The following FANCD2 variants were observed in gnomAD, a reference collection of about 807,000 sequenced individuals.
FANCD2 encodes the protein Fanconi anemia group D2 protein.
In FANCD2, 131 loss-of-function variants were observed where a neutral mutation model predicts 192.3. That is an observed-to-expected ratio of 0.68 (90% CI 0.59 to 0.79). The LOEUF (loss-of-function observed/expected upper bound fraction) is 0.79, where lower values mean the gene tolerates loss of function less well. Ranked by LOEUF, FANCD2 falls within the 30% of genes least tolerant of loss-of-function variation. FANCD2 has a pLI of 0.00. For missense variants in FANCD2, 1,508 were observed against 1,701.6 expected, an observed-to-expected ratio of 0.89 and a Z score of 2.00; for synonymous variants, 524 against 612.5, an observed-to-expected ratio of 0.86 and a Z score of 2.13.
At chr3:10,099,862 C>G (rs1287506238) in intron 43 of FANCD2, among the ~76,000 whole-genome samples, 1 of 152,124 alleles carries the variant, frequency 6.6e-6, no homozygotes, top group Non-Finnish European at 1.5e-5. Context: ...GGGCCTCTGT[C>G]TGTAATGCAA....
At chr3:10,069,945 T>C (rs1693095463) in intron 26 of FANCD2, among the ~76,000 whole-genome samples, 2 of 146,752 alleles carry the variant, frequency 1.4e-5, no homozygotes, top group Non-Finnish European at 3.0e-5. Flanking sequence ...GTGAGGAGCC[T>C]CTCTGCCAGG....
At chr3:10,054,086 C>G (rs558528031) in intron 18 of FANCD2, among the ~76,000 whole-genome samples, 26 of 151,808 alleles carry the variant, frequency 1.7e-4, no homozygotes, top group Non-Finnish European at 3.1e-4. Context: ...GTGGCACACA[C>G]CTGTAATCCT....
At chr3:10,036,082 ATTTC>A (rs2086721396) in intron 6 of FANCD2, among the ~76,000 whole-genome samples, 3 of 103,874 alleles carry the variant, frequency 2.9e-5, no homozygotes, top group Admixed American at 2.7e-4. Context: ...AGAATTATAC[ATTTC>A]TTTTTTTTTT....
At chr3:10,086,358 G>A (rs1006365732) in intron 33 of FANCD2, among the ~76,000 whole-genome samples, 1 of 152,126 alleles carries the variant, frequency 6.6e-6, no homozygotes, top group African/African-American at 2.4e-5. Flanking sequence ...ATGATCTCAG[G>A]GGCATGGCTT....
chr3:10,056,171 G>T (rs55997008), intron 18 of FANCD2, among the ~76,000 whole-genome samples: 4,601 of 152,246 alleles, frequency 0.03, 238 homozygotes, highest in African/African-American at 0.11. Context: ...GAGCCACTGC[G>T]CCCGGCCCCC....
At chr3:10,041,857 TC>T (rs973597345) in intron 10 of FANCD2, 147 bp downstream of exon 10, 5 of 607,150 alleles carry the variant, frequency 8.2e-6, no homozygotes, top group East Asian at 3.1e-5. Flanking sequence ...TTTTTTTTTT[TC>T]CCCTCAATGA....
Position 10,039,280 on chromosome 3 carries a change from A to G in FANCD2, c.493A>G (p.Lys165Glu), listed in dbSNP as rs549079987. 1.9e-6 allele frequency: 3 copies of G among 1,612,772 alleles called. No individual in the cohort carries two copies. The highest frequency in any genetic ancestry group is 2.7e-5 in the African/African-American group (2 of 75,042). ...TGTTTTCTCTTCCTAACATTTTAGC[A>G]AGAACAGTGATGAAATCAACATACC... ...EKLPEYFFEN[K>E]NSDEINIPRL... Residue 165 changes from lysine to glutamate, a missense_variant and splice_region_variant, in exon 8 of 44, where the codon AAG becomes GAG. By Grantham distance (56) the Lys-to-Glu change is moderately conservative (BLOSUM62 1). This residue lies in a region of FANCD2 where 435 missense variants were observed against 421.9 expected (regional missense o/e 1.03). Transcript: ENST00000675286.
rs538303682 is a variant in FANCD2 at position 10,075,932 on chromosome 3, GT to G, written c.2859+1261del. Among the ~76,000 whole-genome samples, 170 of 150,502 alleles carry G rather than the reference GT, an allele frequency of 1.1e-3. 3 individuals are homozygous for G. The highest frequency in any genetic ancestry group is 9.8e-3 in the Admixed American group (149 of 15,128). On this transcript the variant is annotated intron_variant, in intron 29 of 43. Coordinates refer to ENST00000675286, the MANE Select transcript of FANCD2 (RefSeq NM_001018115.3). ...TTTTTAATAGAGACGAGGTTTCACC[GT>G]TGTTAGCCAGGATGGTCTCGATCTC...
intron 32 of FANCD2, 114 bp downstream of exon 32, chr3:10,081,578 A>G: frequency 1.2e-6 from 1 of 819,990 alleles, no homozygotes; most frequent in South Asian, 1.4e-5. Flanking sequence ...TTATGTGAAT[A>G]TGGTTCATTA....
chr3:10,076,358 A>T (rs756892863), intron 29 of FANCD2, among the ~76,000 whole-genome samples: 7 of 151,764 alleles, frequency 4.6e-5, no homozygotes, highest in Admixed American at 6.6e-5. Flanking sequence ...TAGGAAACGC[A>T]TCTTGGATCC....
At chr3:10,034,645 A>C (rs779406688) in intron 4 of FANCD2, 50 bp from the exon 5 acceptor site, 7 of 1,516,814 alleles carry the variant, frequency 4.6e-6, no homozygotes, top group Non-Finnish European at 6.4e-6. Context: ...TTTAACAGCA[A>C]ATATTAAACT....
chr3:10,049,782 A>G lies in FANCD2; in HGVS notation c.1545+277A>G, dbSNP rs190725100. On this transcript the variant is annotated intron_variant, in intron 17 of 43. Transcript: ENST00000675286. The stretch of plus-strand genomic sequence containing the variant: ...AACATGGTGAATTCTCTGGTAAAGT[A>G]CTATAGATATAACAGAGTAAGAATA... Among the ~76,000 whole-genome samples the G allele has an allele frequency of 5.9e-5, 9 of 152,356 alleles. No individual in the cohort carries two copies. In the East Asian group the frequency reaches 1.7e-3, roughly 29 times the overall value.
intron 1 of FANCD2, among the ~76,000 whole-genome samples, chr3:10,027,950 C>T (rs926131060): frequency 6.7e-6 from 1 of 149,772 alleles, no homozygotes; most frequent in African/African-American, 2.5e-5. Flanking sequence ...GGGCGGCTCA[C>T]ACCTGTAATC....
intron 2 of FANCD2, among the ~76,000 whole-genome samples, chr3:10,031,433 C>T (rs550705053): frequency 1.4e-4 from 21 of 148,534 alleles, no homozygotes; most frequent in Non-Finnish European, 2.7e-4. Context: ...ACCCGGGAGG[C>T]GGAGCTTGCA....
chr3:10,043,371 C>A, intron 12 of FANCD2, 113 bp from the exon 13 acceptor site: 1 of 879,950 alleles, frequency 1.1e-6, no homozygotes, highest in Non-Finnish European at 1.9e-6. Flanking sequence ...GTTTATTAGC[C>A]ATCTTATACA....
chr3:10,058,123 G>T, intron 18 of FANCD2: 4 of 442,934 alleles, frequency 9.0e-6, no homozygotes, highest in South Asian at 6.4e-5. Flanking sequence ...TGATGCCTTT[G>T]TTCTTATTGG....
intron 16 of FANCD2, among the ~76,000 whole-genome samples, 173 bp downstream of exon 16, chr3:10,048,224 C>G (rs980710234): frequency 1.3e-5 from 2 of 152,284 alleles, no homozygotes; most frequent in Admixed American, 6.5e-5. Context: ...ACTGGTGGCT[C>G]TAACTCTGTG....
intron 33 of FANCD2, among the ~76,000 whole-genome samples, chr3:10,086,864 C>T (rs1275202040): frequency 6.6e-6 from 1 of 152,170 alleles, no homozygotes; most frequent in African/African-American, 2.4e-5. Flanking sequence ...TACATATTAG[C>T]GTGGTGCTTG....
intron 3 of FANCD2, 130 bp downstream of exon 3, chr3:10,033,102 A>G: frequency 1.2e-6 from 1 of 867,434 alleles, no homozygotes. Flanking sequence ...CAAAGTTGAA[A>G]TTGCTTTTTA....
Sources: allele counts gnomAD v4.1 joint callset (sites outside exome capture counted in the v4.1 genomes callset), GRCh38; gene constraint gnomAD v4.1.1; regional missense constraint gnomAD v4.1.1; transcripts MANE v1.5; gene names NCBI Gene and HGNC (gene_info 2026-07-23, HGNC 2026-07-21).